The following AP1G1 variants were observed in gnomAD, a reference collection of about 807,000 sequenced individuals.
The protein encoded by AP1G1 is AP-1 complex subunit gamma-1.
In AP1G1, 7 loss-of-function variants were observed where a neutral mutation model predicts 108.3. The observed-to-expected ratio is 0.06, with a 90% CI of 0.04 to 0.12. AP1G1 has a LOEUF of 0.12. Ranked by LOEUF, AP1G1 falls within the 10% of genes least tolerant of loss-of-function variation. The pLI is 1.00. For synonymous variants in AP1G1, 379 were observed against 353.5 expected (o/e 1.07, Z -0.81); for missense variants, 756 against 1,010.7 (o/e 0.75, Z 3.42).
At chr16:71,762,492 G>C (rs1244360152) in intron 9 of AP1G1, among the ~76,000 whole-genome samples, 1 of 152,134 alleles carries the variant, frequency 6.6e-6, no homozygotes, top group African/African-American at 2.4e-5. Flanking sequence ...GGAACTTTCA[G>C]TCTCATCCCC....
intron 11 of AP1G1, chr16:71,758,473 A>G (rs751220440): frequency 1.9e-6 from 1 of 535,406 alleles, no homozygotes; most frequent in Non-Finnish European, 3.7e-6. Context: ...CCGTACTTTC[A>G]TCCTCCAACA....
intron 13 of AP1G1, among the ~76,000 whole-genome samples, chr16:71,751,627 C>A (rs941345331): frequency 1.3e-5 from 2 of 151,994 alleles, no homozygotes; most frequent in Non-Finnish European, 2.9e-5. Context: ...TACATCCTTC[C>A]GTAAAGCAGA....
At chr16:71,781,629 C>A (rs1293614831) in intron 2 of AP1G1, among the ~76,000 whole-genome samples, 2 of 152,180 alleles carry the variant, frequency 1.3e-5, no homozygotes, top group African/African-American at 4.8e-5. Context: ...GCTCTTTTCA[C>A]TCAACAGCTT....
Position 71,745,183 on chromosome 16 carries a change from C to T in AP1G1, c.1960G>A (p.Gly654Arg). ...APTSKPSSAG[G>R]ELLDLLGDIN... ...TCTCCCAGCAAATCAAGAAGTTCTC[C>T]ACCAGCAGAAGATGGTTTGCTTGTA... The change falls in exon 19 of 23, where the codon GGA (glycine) becomes AGA (arginine). Residue 654 changes from glycine (G) to arginine (R), a missense_variant. Around this residue, in one of 3 missense-constraint regions of AP1G1, gnomAD observed 357 missense variants for 366.5 expected, o/e 0.97. Coordinates refer to ENST00000299980, the MANE Select transcript of AP1G1 (RefSeq NM_001128.6). 1 of 1,614,134 alleles carries T rather than the reference C, an allele frequency of 6.2e-7. No homozygotes were observed. The highest frequency in any genetic ancestry group is 2.2e-5 in the East Asian group (1 of 44,880).
chr16:71,803,007 G>A (rs572835731), intron 1 of AP1G1, among the ~76,000 whole-genome samples: 13 of 152,162 alleles, frequency 8.5e-5, no homozygotes, highest in African/African-American at 4.8e-5. Flanking sequence ...CTGAGGTCAG[G>A]ATTTCGAGAC....
intron 6 of AP1G1, chr16:71,767,858 A>T: frequency 6.3e-7 from 1 of 1,598,768 alleles, no homozygotes; most frequent in Non-Finnish European, 8.5e-7. Context: ...GCACCATCTA[A>T]AAGAGGGTTA....
At chr16:71,736,644 G>T (rs986350724) in intron 21 of AP1G1, among the ~76,000 whole-genome samples, 1 of 150,112 alleles carries the variant, frequency 6.7e-6, no homozygotes, top group African/African-American at 2.5e-5. Flanking sequence ...GGAGTCCAGT[G>T]GGGTGATCTC....
chr16:71,754,095 T>A (rs1218132324), intron 12 of AP1G1, among the ~76,000 whole-genome samples: 1 of 151,648 alleles, frequency 6.6e-6, no homozygotes, highest in Non-Finnish European at 1.5e-5. Context: ...AAAAATTAGC[T>A]GGGTGTGGTG....
intron 19 of AP1G1, 48 bp downstream of exon 19, chr16:71,745,096 G>C (rs751512781): frequency 6.2e-7 from 1 of 1,600,904 alleles, no homozygotes; most frequent in South Asian, 1.1e-5. Flanking sequence ...GTTTTTCCCT[G>C]AGGCCTCTAT....
chr16:71,739,746 C>T (rs1179464369), intron 19 of AP1G1, among the ~76,000 whole-genome samples: 4 of 51,884 alleles, frequency 7.7e-5, no homozygotes, highest in African/African-American at 2.3e-4. Context: ...GACTCTGTCG[C>T]AAAAAAAAAA....
intron 17 of AP1G1, 120 bp downstream of exon 17, chr16:71,746,468 T>C (rs972628265): frequency 4.7e-5 from 26 of 553,670 alleles, no homozygotes; most frequent in African/African-American, 3.6e-4. Flanking sequence ...CAATTAGAAC[T>C]AAATAGGGAT....
chr16:71,758,301 C>A, intron 11 of AP1G1: 1 of 411,764 alleles, frequency 2.4e-6, no homozygotes. Context: ...GAGATTTATG[C>A]TTTTTGAGAG....
At chr16:71,760,750 T>C (rs2031046681) in intron 10 of AP1G1, among the ~76,000 whole-genome samples, 1 of 152,070 alleles carries the variant, frequency 6.6e-6, no homozygotes, top group South Asian at 2.1e-4. Flanking sequence ...AGTTTTGCCA[T>C]GTTGCCCAGG....
chr16:71,769,734 G>T, intron 5 of AP1G1, 35 bp from the exon 6 acceptor site: 1 of 1,539,236 alleles, frequency 6.5e-7, no homozygotes, highest in Non-Finnish European at 9.0e-7. Flanking sequence ...CTAAAAATGA[G>T]GCCTATTATT....
Position 71,798,966 on chromosome 16 carries a change from C to G in AP1G1, c.-3-9484G>C, listed in dbSNP as rs1035441265. On this transcript the variant is annotated intron_variant, in intron 1 of 22. Coordinates refer to ENST00000299980, the MANE Select transcript of AP1G1 (RefSeq NM_001128.6). ...TAACAAAGAATTAACATTCCATAAG[C>G]GCTCCTACAGGAGGAAAAAAAAAGA... Among the ~76,000 whole-genome samples, 10 of 151,012 alleles carry G rather than the reference C, an allele frequency of 6.6e-5. No homozygotes were observed. The East Asian group carries it at 1.2e-3, about 18-fold the overall frequency.
At chr16:71,800,513 C>A (rs1028317147) in intron 1 of AP1G1, among the ~76,000 whole-genome samples, 2 of 151,148 alleles carry the variant, frequency 1.3e-5, no homozygotes, top group Admixed American at 6.6e-5. Flanking sequence ...GAAACCCCCC[C>A]GTCTCGGGTC....
rs59451625 is a variant in AP1G1, at chr16:71,768,978, CAA to C, written c.642+643_642+644del. Among the ~76,000 whole-genome samples the C allele has an allele frequency of 2.0e-4, 13 of 65,014 alleles. 1 individual carries two copies. Among genetic ancestry groups the C allele is most frequent in the Middle Eastern group, 0.016 (1 of 62 alleles). The allele number at this position is 65,014 out of a possible 152,430, so 42.7% of individuals were successfully genotyped here. A position where few individuals can be genotyped will look rare whatever the true frequency, so the allele number is the denominator to read the frequency against. ...AATTCCTGCCTTTAAAAAAAAAATA[CAA>C]AAAAAAAAAAAAAAAAAACAGGCCA... On this transcript the variant is annotated intron_variant, in intron 6 of 22. Coordinates refer to ENST00000299980, the MANE Select transcript of AP1G1 (RefSeq NM_001128.6).
In AP1G1 at chr16:71,732,969, C is replaced by G; in HGVS notation, c.*89G>C. On this transcript the variant is annotated 3_prime_UTR_variant, in exon 23 of 23. Coordinates refer to ENST00000299980, the MANE Select transcript of AP1G1 (RefSeq NM_001128.6). ...TCTTCAGCTCCTCATGCCCGTGGTACAGTTGGGGGGGACTTGCCAGCAATC... is the reference window on the plus strand; with the variant it reads ...TCTTCAGCTCCTCATGCCCGTGGTAGAGTTGGGGGGGACTTGCCAGCAATC... The G allele has an allele frequency of 1.0e-6, 1 of 998,850 alleles. No individual in the cohort carries two copies. Among genetic ancestry groups the G allele is most frequent in the East Asian group, 2.4e-5 (1 of 41,258 alleles). 61.9% of individuals were successfully genotyped at this position (998,850 alleles called of 1,614,324 possible). A position where few individuals can be genotyped will look rare whatever the true frequency, so the allele number is the denominator to read the frequency against.
chr16:71,802,923 A>C (rs1253797022), intron 1 of AP1G1, among the ~76,000 whole-genome samples: 1 of 152,130 alleles, frequency 6.6e-6, no homozygotes, highest in African/African-American at 2.4e-5. Context: ...TGAAAGATTT[A>C]AAATATTTTA....
Sources: gnomAD v4.1 joint callset for allele counts (sites outside exome capture counted in the v4.1 genomes callset) on GRCh38, gnomAD v4.1.1 for gene constraint, gnomAD v4.1.1 regional missense constraint, MANE v1.5 for transcripts, NCBI Gene and HGNC (gene_info 2026-07-23, HGNC 2026-07-21) for gene names.